Variants in MACROD2 observed in about 807,000 individuals in gnomAD.
MACROD2 encodes mono-ADP ribosylhydrolase 2.
MACROD2 carries 36 observed loss-of-function variants against 70.4 expected under a neutral mutation model. That is an observed-to-expected ratio of 0.51 (90% confidence interval 0.39 to 0.68). The LOEUF is 0.68. Among genes scored for constraint, MACROD2 ranks in the 30% least tolerant of loss-of-function variants. MACROD2 has a pLI of 0.00. For synonymous variants in MACROD2, 172 were observed against 178.8 expected, an observed-to-expected ratio of 0.96 and a Z score of 0.30; for missense variants, 496 against 538.4, an observed-to-expected ratio of 0.92 and a Z score of 0.78.
chr20:15,246,391 T>C (rs2077106162), intron 6 of MACROD2, among the ~76,000 whole-genome samples: 1 of 152,198 alleles, frequency 6.6e-6, no homozygotes, highest in South Asian at 2.1e-4. Context: ...ACTCTGATGT[T>C]GATGTGGTTT....
At chr20:14,114,708 A>G (rs544841329) in intron 3 of MACROD2, among the ~76,000 whole-genome samples, 1 of 152,266 alleles carries the variant, frequency 6.6e-6, no homozygotes, top group East Asian at 1.9e-4. Context: ...AAGGGACACG[A>G]CGGAATTTCT....
intron 4 of MACROD2, among the ~76,000 whole-genome samples, chr20:14,586,243 ATG>A (rs1350350637): frequency 1.3e-5 from 2 of 151,078 alleles, no homozygotes; most frequent in Admixed American, 6.6e-5. Context: ...GGCTGTGTGT[ATG>A]TGTGTGTGTG....
At chr20:14,950,955 A>T (rs1443607551) in intron 5 of MACROD2, among the ~76,000 whole-genome samples, 1 of 152,112 alleles carries the variant, frequency 6.6e-6, no homozygotes, top group Non-Finnish European at 1.5e-5. Flanking sequence ...GGGAATTGCA[A>T]ATTTAGAATT....
chr20:14,842,845 A>G, intron 5 of MACROD2, among the ~76,000 whole-genome samples: 1 of 152,156 alleles, frequency 6.6e-6, no homozygotes. Context: ...ATATTCAATC[A>G]GAAAAGAAAA....
intron 2 of MACROD2, among the ~76,000 whole-genome samples, chr20:14,016,621 C>A (rs1294202049): frequency 6.6e-6 from 1 of 151,922 alleles, no homozygotes; most frequent in Non-Finnish European, 1.5e-5. Flanking sequence ...ACCCAGTTTT[C>A]CAGTATTTGC....
At chr20:14,742,911 C>T (rs1021671170) in intron 5 of MACROD2, among the ~76,000 whole-genome samples, 32 of 150,614 alleles carry the variant, frequency 2.1e-4, no homozygotes, top group African/African-American at 6.8e-4. Context: ...GGTCTACAGG[C>T]GCCCGCCACT....
chr20:14,157,290 T>C (rs549204526), intron 3 of MACROD2, among the ~76,000 whole-genome samples: 17 of 152,254 alleles, frequency 1.1e-4, no homozygotes, highest in Non-Finnish European at 1.0e-4. Context: ...ATTATACATA[T>C]TTATGGGGCA....
chr20:14,126,540 A>G (rs555447752), intron 3 of MACROD2, among the ~76,000 whole-genome samples: 1 of 152,314 alleles, frequency 6.6e-6, no homozygotes, highest in Non-Finnish European at 1.5e-5. Context: ...AAAGCAAATT[A>G]AAGGTTTGTG....
At chr20:15,585,971 G>C (rs757555552) in intron 8 of MACROD2, among the ~76,000 whole-genome samples, 1 of 152,058 alleles carries the variant, frequency 6.6e-6, no homozygotes, top group Non-Finnish European at 1.5e-5. Flanking sequence ...TCAAGTAAAG[G>C]GCTGGAGTAT....
rs559015455 is a variant in MACROD2 at position 15,322,333 on chromosome 20, A to T, written c.540+92272A>T. Among the ~76,000 whole-genome samples the T allele has an allele frequency of 4.2e-5, 6 of 143,804 alleles. 1 individual carries two copies. Among genetic ancestry groups the T allele is most frequent in the East Asian group, 4.1e-4 (2 of 4,912 alleles). The allele number at this position is 143,804 out of a possible 152,430, so 94.3% of individuals were successfully genotyped here. On this transcript the variant is annotated intron_variant, in intron 6 of 17. Transcript: ENST00000684519. ...TAGAGAATGCCTGGGTGGGACGGGG[A>T]TATTTACCATGCACTCACTATGCTC...
At chr20:15,563,207 T>C (rs1450221343) in intron 8 of MACROD2, among the ~76,000 whole-genome samples, 1 of 152,208 alleles carries the variant, frequency 6.6e-6, no homozygotes, top group Non-Finnish European at 1.5e-5. Context: ...CATATCTTGA[T>C]ATCAATGTCT....
intron 6 of MACROD2, among the ~76,000 whole-genome samples, chr20:15,285,349 T>C (rs1393411547): frequency 6.6e-6 from 1 of 152,156 alleles, no homozygotes; most frequent in Non-Finnish European, 1.5e-5. Context: ...CAAAAGCTAG[T>C]TTTTTATCTA....
rs971133975 is a variant in MACROD2 at position 15,453,670 on chromosome 20, G to A, written c.571+22235G>A. 5.1e-4 allele frequency among the ~76,000 whole-genome samples: 77 copies of A among 152,252 alleles called. 1 individual carries two copies. The highest frequency in any genetic ancestry group is 1.8e-3 in the African/African-American group (76 of 41,560). The stretch of plus-strand genomic sequence containing the variant: ...GGTGACATAAGTAGCTTAGGAAGGG[G>A]CTGAGGTGGGACAAGGACACCACCT... On this transcript the variant is annotated intron_variant, in intron 7 of 17. Transcript: ENST00000684519.
At chr20:15,629,940 A>G (rs956158700) in intron 8 of MACROD2, among the ~76,000 whole-genome samples, 1 of 152,222 alleles carries the variant, frequency 6.6e-6, no homozygotes, top group Non-Finnish European at 1.5e-5. Context: ...GGAATGGTCA[A>G]ACATTTTCTT....
chr20:16,029,061 T>G (rs2067118410), intron 15 of MACROD2, among the ~76,000 whole-genome samples: 1 of 152,172 alleles, frequency 6.6e-6, no homozygotes, highest in South Asian at 2.1e-4. Flanking sequence ...TTGCTTCCTG[T>G]TTCATAGACA....
At chr20:15,277,404 A>C (rs1326838575) in intron 6 of MACROD2, among the ~76,000 whole-genome samples, 1 of 152,208 alleles carries the variant, frequency 6.6e-6, no homozygotes, top group East Asian at 1.9e-4. Context: ...ATGAGGTTTT[A>C]ACCTTGAATA....
At chr20:15,547,478 CAT>C (rs982733435) in intron 8 of MACROD2, among the ~76,000 whole-genome samples, 2 of 152,130 alleles carry the variant, frequency 1.3e-5, no homozygotes, top group African/African-American at 4.8e-5. Context: ...GTCTCTAAGC[CAT>C]ATGTTGTAAC....
chr20:15,170,993 C>T (rs2076418414), intron 5 of MACROD2, among the ~76,000 whole-genome samples: 1 of 152,134 alleles, frequency 6.6e-6, no homozygotes, highest in Non-Finnish European at 1.5e-5. Context: ...CGGTCGCTGT[C>T]ATCTAAGACC....
At chr20:14,681,126 G>C (rs970456063) in intron 4 of MACROD2, among the ~76,000 whole-genome samples, 1 of 152,084 alleles carries the variant, frequency 6.6e-6, no homozygotes, top group African/African-American at 2.4e-5. Flanking sequence ...AAAGGCTGAC[G>C]ACAACAAGGG....
Sources: allele counts gnomAD v4.1 joint callset (sites outside exome capture counted in the v4.1 genomes callset), GRCh38; gene constraint gnomAD v4.1.1; transcripts MANE v1.5; gene names NCBI Gene and HGNC (gene_info 2026-07-23, HGNC 2026-07-21).